Variants in SLC25A29 observed in about 807,000 individuals in gnomAD.
SLC25A29 encodes the protein solute carrier family 25 member 29.
Under a neutral mutation model 10.0 loss-of-function variants are expected in SLC25A29, and 13 were observed. The ratio of observed to expected loss-of-function variants is 1.30; its 90% CI spans 0.85 to 2.07. The LOEUF is 2.07. SLC25A29 is among the 30% of genes most tolerant of loss of function. The pLI is 0.00. For synonymous variants in SLC25A29, 244 were observed against 221.1 expected (o/e 1.10, Z -0.92); for missense variants, 475 against 447.6 (o/e 1.06, Z -0.55).
chr14:100,303,416 A>T (rs1199835278), intron 1 of SLC25A29, among the ~76,000 whole-genome samples: 1 of 152,230 alleles, frequency 6.6e-6, no homozygotes, highest in African/African-American at 2.4e-5. Context: ...CAACAGCAGC[A>T]AGGCGTGGGA....
At position 100,293,280 on chromosome 14, in the gene SLC25A29, C is replaced by T. The variant is rs1891898426; in HGVS notation, c.162+14G>A. The stretch of plus-strand genomic sequence containing the variant: ...TCCTGTGCCTCCCGAGCCCCACCAG[C>T]CCAGGCCACTCACGCTCTCTTGCTT... On this transcript the variant is annotated intron_variant, in intron 3 of 3. Transcript: ENST00000359232. 8 of 1,612,378 alleles carry T rather than the reference C, an allele frequency of 5.0e-6. No individual in the cohort carries two copies. The South Asian group carries it at 7.7e-5, about 16-fold the overall frequency.
intron 2 of SLC25A29, chr14:100,295,725 G>C (rs1001362187): frequency 7.8e-7 from 1 of 1,289,486 alleles, no homozygotes; most frequent in Non-Finnish European, 1.0e-6. Context: ...GGCGGTTAAA[G>C]CAACACAAAA....
chr14:100,301,875 C>T (rs1892578297), intron 1 of SLC25A29, among the ~76,000 whole-genome samples: 1 of 152,056 alleles, frequency 6.6e-6, no homozygotes, highest in Admixed American at 6.5e-5. Flanking sequence ...CCCCACGACT[C>T]TCTGCCTCCT....
At chr14:100,289,063 C>T (rs974860549), downstream of SLC25A29, among the ~76,000 whole-genome samples, 4 of 152,174 alleles carry the variant, frequency 2.6e-5, no homozygotes, top group Non-Finnish European at 4.4e-5. Flanking sequence ...GCGATCGGAG[C>T]GATGCTCTTG....
rs1892931136 is a variant in SLC25A29, at chr14:100,306,146, C to A, written c.34+53G>T. 7.3e-5 allele frequency: 98 copies of A among 1,341,410 alleles called. 2 individuals are homozygous for A. In the South Asian group the frequency reaches 1.4e-3, roughly 19 times the overall value. 83.1% of individuals were successfully genotyped at this position (1,341,410 alleles called of 1,614,324 possible). On this transcript the variant is annotated intron_variant, in intron 1 of 3. Coordinates refer to ENST00000359232, the MANE Select transcript of SLC25A29 (RefSeq NM_001039355.3). ...AGGCCAGGGCGTGCTGGTGGGCCGACCTCCCTCCCCGGACGCCTCGCCCCG... is the reference window on the plus strand; with the variant it reads ...AGGCCAGGGCGTGCTGGTGGGCCGAACTCCCTCCCCGGACGCCTCGCCCCG...
At chr14:100,301,709 C>T (rs1207714779) in intron 1 of SLC25A29, among the ~76,000 whole-genome samples, 1 of 150,386 alleles carries the variant, frequency 6.6e-6, no homozygotes, top group Non-Finnish European at 1.5e-5. Context: ...CGGGGTTTCA[C>T]CTTTGTTAGC....
downstream of SLC25A29, among the ~76,000 whole-genome samples, chr14:100,289,033 G>A (rs1891604229): frequency 6.6e-6 from 1 of 152,210 alleles, no homozygotes; most frequent in African/African-American, 2.4e-5. Flanking sequence ...CACAGGAGAA[G>A]GCGGCAAGAG....
At chr14:100,296,135 G>A in intron 2 of SLC25A29, 3 of 852,228 alleles carry the variant, frequency 3.5e-6, no homozygotes, top group Non-Finnish European at 3.2e-6. Context: ...GGGACCCGTG[G>A]TGTTGGAAGT....
In SLC25A29 at chr14:100,292,273, G is replaced by T. The variant is rs1176124182; in HGVS notation, c.*10C>A. On this transcript the variant is annotated 3_prime_UTR_variant, in exon 4 of 4. Coordinates refer to ENST00000359232, the MANE Select transcript of SLC25A29 (RefSeq NM_001039355.3). ...AGAAGGAGCCCTGGGGAAGGAGGGC[G>T]GGGTGAGCGTCACAGGCTGGAGGGC... is the stretch of plus-strand genomic sequence containing the variant. 6.5e-7 allele frequency: 1 copy of T among 1,533,968 alleles called. No individual in the cohort carries two copies.
chr14:100,283,615 A>T, the SLC25A29 span, among the ~76,000 whole-genome samples: 17 of 150,702 alleles, frequency 1.1e-4, no homozygotes, highest in Admixed American at 2.0e-4. Context: ...CTTCCTGAAT[A>T]GCAGGAGGTT....
intron 2 of SLC25A29, chr14:100,294,937 TCTCC>T (rs560537932): frequency 6.6e-6 from 1 of 152,148 alleles, no homozygotes; most frequent in Non-Finnish European, 1.5e-5. Flanking sequence ...GGTTTGCTGC[TCTCC>T]CTTCAATGTT....
the SLC25A29 span, chr14:100,281,124 C>T: frequency 1.3e-5 from 2 of 151,220 alleles, no homozygotes; most frequent in East Asian, 1.9e-4. Flanking sequence ...CCCCCACCCC[C>T]GACTATAGGC....
At chr14:100,287,986 G>A (rs1891578915), downstream of SLC25A29, among the ~76,000 whole-genome samples, 1 of 152,190 alleles carries the variant, frequency 6.6e-6, no homozygotes, top group Non-Finnish European at 1.5e-5. Flanking sequence ...GGGAAGCAGA[G>A]AGCTAGGTCA....
chr14:100,286,685 T>C (rs1304264459), downstream of SLC25A29, among the ~76,000 whole-genome samples: 1 of 152,218 alleles, frequency 6.6e-6, no homozygotes, highest in Non-Finnish European at 1.5e-5. Flanking sequence ...AAGTGGCCTC[T>C]GGACCCAGCA....
chr14:100,286,419 TG>T (rs1333580926), downstream of SLC25A29, among the ~76,000 whole-genome samples: 1 of 129,688 alleles, frequency 7.7e-6, no homozygotes, highest in African/African-American at 2.9e-5. Context: ...CCAAACTTTG[TG>T]GGACATCATT....
chr14:100,281,301 CAG>C, the SLC25A29 span: 10 of 152,118 alleles, frequency 6.6e-5, no homozygotes, highest in African/African-American at 2.4e-4. Context: ...GAGGTCAAAA[CAG>C]TGGTGAGAGC....
At chr14:100,281,295 T>A in the SLC25A29 span, 1 of 151,918 alleles carries the variant, frequency 6.6e-6, no homozygotes, top group African/African-American at 2.4e-5. Context: ...ATCCCAGAGG[T>A]CAAAACAGTG....
the SLC25A29 span, among the ~76,000 whole-genome samples, chr14:100,283,945 G>A: frequency 3.0e-3 from 459 of 152,146 alleles, 3 homozygotes; most frequent in African/African-American, 0.01. Context: ...GCAGTGGCAC[G>A]ACCATAGCTC....
At chr14:100,297,796 C>A (rs1338532745) in intron 2 of SLC25A29, among the ~76,000 whole-genome samples, 3 of 152,254 alleles carry the variant, frequency 2.0e-5, no homozygotes, top group African/African-American at 7.2e-5. Flanking sequence ...AGCATTTAAT[C>A]CAACATAAAT....
Sources: allele counts gnomAD v4.1 joint callset (sites outside exome capture counted in the v4.1 genomes callset), GRCh38; gene constraint gnomAD v4.1.1; transcripts MANE v1.5; gene names NCBI Gene and HGNC (gene_info 2026-07-23, HGNC 2026-07-21).